GLRA2: variants seen among roughly 807,000 people sequenced by gnomAD.
GLRA2 encodes the protein glycine receptor subunit alpha-2.
In GLRA2, 11 loss-of-function variants were observed where a neutral mutation model predicts 31.6. The observed-to-expected ratio is 0.35, with a 90% CI of 0.22 to 0.58. The LOEUF (loss-of-function observed/expected upper bound fraction) is 0.58. Ranked by LOEUF, GLRA2 falls within the 20% of genes least tolerant of loss-of-function variation. GLRA2 has a pLI of 0.84. For synonymous variants in GLRA2, 132 were observed against 134.0 expected (o/e 0.99, Z 0.10); for missense variants, 212 against 351.8 (o/e 0.60, Z 3.18).
At chrX:14,586,805 TCACATGCC>T (rs1048862995) in intron 4 of GLRA2, among the ~76,000 whole-genome samples, 2 of 112,419 alleles carry the variant, frequency 1.8e-5, no homozygotes, top group African/African-American at 6.5e-5. Flanking sequence ...ACAGCTCATC[TCACATGCC>T]CACAGTATCT....
intron 2 of GLRA2, among the ~76,000 whole-genome samples, chrX:14,562,580 T>C (rs1406605201): frequency 8.9e-6 from 1 of 112,303 alleles, no homozygotes; most frequent in Non-Finnish European, 1.9e-5. Flanking sequence ...AACAGAAATG[T>C]ACTTTCTCAC....
chrX:14,648,495 A>G (rs762686515), intron 7 of GLRA2, among the ~76,000 whole-genome samples: 1 of 112,306 alleles, frequency 8.9e-6, no homozygotes, highest in South Asian at 3.7e-4. Context: ...ACAAAAACAC[A>G]AACCATTAAA....
intron 7 of GLRA2, among the ~76,000 whole-genome samples, chrX:14,632,412 A>C (rs973660145): frequency 9.0e-6 from 1 of 111,624 alleles, no homozygotes; most frequent in South Asian, 3.7e-4. Context: ...AACTAGCATT[A>C]GCTTGTAAAT....
At chrX:14,508,520 G>C in the GLRA2 span, among the ~76,000 whole-genome samples, 4 of 111,792 alleles carry the variant, frequency 3.6e-5, no homozygotes, top group African/African-American at 6.5e-5. Context: ...AGTCCTTATG[G>C]AGACATTTAA....
chrX:14,458,566 A>G, the GLRA2 span, among the ~76,000 whole-genome samples: 19 of 112,215 alleles, frequency 1.7e-4, no homozygotes, highest in Non-Finnish European at 3.2e-4. Context: ...TCGCCATTCT[A>G]ACTGGTGCGA....
intron 8 of GLRA2, among the ~76,000 whole-genome samples, chrX:14,711,805 C>T (rs760027033): frequency 8.9e-6 from 1 of 112,474 alleles, no homozygotes; most frequent in Non-Finnish European, 1.9e-5. Flanking sequence ...AGAGTTTTCG[C>T]TCCAGAGCCC....
chrX:14,505,530 G>A, the GLRA2 span, among the ~76,000 whole-genome samples: 1 of 111,427 alleles, frequency 9.0e-6, no homozygotes, highest in East Asian at 2.8e-4. Context: ...CAATTTGAGG[G>A]GAATGTCAGA....
intron 7 of GLRA2, among the ~76,000 whole-genome samples, chrX:14,656,509 G>C (rs770023279): frequency 8.9e-6 from 1 of 111,770 alleles, no homozygotes; most frequent in Non-Finnish European, 1.9e-5. Context: ...ACTAAAGCAG[G>C]GGGGAGATGA....
chrX:14,661,593 T>C (rs947228177), intron 7 of GLRA2, among the ~76,000 whole-genome samples: 1 of 111,592 alleles, frequency 9.0e-6, no homozygotes, highest in Non-Finnish European at 1.9e-5. Flanking sequence ...AGAAAATGGC[T>C]GGGTGTGGTG....
At chrX:14,488,251 G>C in the GLRA2 span, among the ~76,000 whole-genome samples, 1 of 112,043 alleles carries the variant, frequency 8.9e-6, no homozygotes, top group Non-Finnish European at 1.9e-5. Flanking sequence ...GAGAACAGAT[G>C]AGCTGAGCCA....
intron 7 of GLRA2, among the ~76,000 whole-genome samples, chrX:14,683,584 G>A (rs1362190183): frequency 9.0e-6 from 1 of 111,522 alleles, no homozygotes; most frequent in Non-Finnish European, 1.9e-5. Context: ...GGCTTTTGTT[G>A]CCATTGCTTT....
the GLRA2 span, among the ~76,000 whole-genome samples, chrX:14,511,452 T>C: frequency 8.9e-6 from 1 of 112,001 alleles, no homozygotes; most frequent in Non-Finnish European, 1.9e-5. Flanking sequence ...TTTAGCAATT[T>C]ATCTAAGTCA....
intron 7 of GLRA2, among the ~76,000 whole-genome samples, chrX:14,616,341 C>T (rs1019092088): frequency 2.7e-5 from 3 of 111,431 alleles, no homozygotes; most frequent in African/African-American, 9.8e-5. Flanking sequence ...GGTGTGCAGA[C>T]GACTCTGACA....
intron 8 of GLRA2, among the ~76,000 whole-genome samples, chrX:14,708,718 C>A (rs1257721340): frequency 9.0e-6 from 1 of 111,649 alleles, no homozygotes; most frequent in Non-Finnish European, 1.9e-5. Context: ...GGGCGGATGG[C>A]CTGGGGTCAG....
intron 7 of GLRA2, among the ~76,000 whole-genome samples, chrX:14,656,406 C>T (rs1216887792): frequency 3.6e-5 from 4 of 112,271 alleles, no homozygotes; most frequent in Non-Finnish European, 7.5e-5. Flanking sequence ...GCCACTTCCA[C>T]ATTTTCTATG....
At chrX:14,466,651 T>G in the GLRA2 span, among the ~76,000 whole-genome samples, 1 of 111,801 alleles carries the variant, frequency 8.9e-6, no homozygotes, top group African/African-American at 3.3e-5. Flanking sequence ...ACTGCTAAGA[T>G]ACAGCACTTC....
chrX:14,729,930 G>C (rs1395609315), intron 8 of GLRA2, among the ~76,000 whole-genome samples: 5 of 111,981 alleles, frequency 4.5e-5, no homozygotes, highest in African/African-American at 1.6e-4. Flanking sequence ...TTTTGGGAAA[G>C]TCAGTACTGA....
chrX:14,531,841 C>T (rs1019033639), intron 1 of GLRA2, among the ~76,000 whole-genome samples: 28 of 110,371 alleles, frequency 2.5e-4, no homozygotes, highest in African/African-American at 8.5e-4. Flanking sequence ...TATTTAGGGC[C>T]GAAATGCTGA....
intron 2 of GLRA2, among the ~76,000 whole-genome samples, chrX:14,563,781 TA>T (rs200226906): frequency 7.2e-5 from 8 of 111,038 alleles, no homozygotes; most frequent in African/African-American, 2.0e-4. Flanking sequence ...ATATAAATTG[TA>T]AAAAAAATTC....
Sources: allele counts gnomAD v4.1 joint callset (sites outside exome capture counted in the v4.1 genomes callset), GRCh38; gene constraint gnomAD v4.1.1; transcripts MANE v1.5; gene names NCBI Gene and HGNC (gene_info 2026-07-23, HGNC 2026-07-21).